Variants in PAPSS2 observed in about 807,000 individuals in gnomAD.
The protein encoded by PAPSS2 is bifunctional 3'-phosphoadenosine 5'-phosphosulfate synthase 2.
In PAPSS2, 61 loss-of-function variants were observed where a neutral mutation model predicts 66.5. The observed-to-expected ratio is 0.92, with a 90% CI of 0.75 to 1.14. The LOEUF is 1.14. Ranked by LOEUF, PAPSS2 falls within the 50% of genes most tolerant of loss-of-function variation. The pLI is 0.00. For synonymous variants in PAPSS2, 289 were observed against 287.5 expected, an observed-to-expected ratio of 1.01 and a Z score of -0.05; for missense variants, 708 against 789.6, an observed-to-expected ratio of 0.90 and a Z score of 1.24.
intron 7 of PAPSS2, among the ~76,000 whole-genome samples, chr10:87,721,193 A>G (rs1019215892): frequency 6.6e-6 from 1 of 152,246 alleles, no homozygotes; most frequent in Non-Finnish European, 1.5e-5. Context: ...GAAAATATGT[A>G]TTAGAAAGGT....
chr10:87,661,237 G>A (rs1852748890), intron 1 of PAPSS2, among the ~76,000 whole-genome samples: 1 of 152,116 alleles, frequency 6.6e-6, no homozygotes, highest in Non-Finnish European at 1.5e-5. Flanking sequence ...AGAGAACAGG[G>A]TGGGGGCTCT....
intron 1 of PAPSS2, among the ~76,000 whole-genome samples, chr10:87,675,184 G>A (rs1225416311): frequency 1.3e-5 from 2 of 152,306 alleles, no homozygotes; most frequent in East Asian, 3.9e-4. Context: ...CATAGCATTA[G>A]CACTGGCTGT....
intron 9 of PAPSS2, among the ~76,000 whole-genome samples, chr10:87,729,225 G>T (rs1046168654): frequency 8.7e-5 from 11 of 126,338 alleles, no homozygotes; most frequent in South Asian, 3.2e-4. Context: ...CACAGATTTT[G>T]CTTTTCTTTT....
At chr10:87,664,828 T>G (rs1445186951) in intron 1 of PAPSS2, among the ~76,000 whole-genome samples, 11 of 152,214 alleles carry the variant, frequency 7.2e-5, no homozygotes, top group Non-Finnish European at 1.5e-5. Flanking sequence ...AATATAACAC[T>G]AGTTCAACTG....
At chr10:87,691,155 TC>T (rs1853166767) in intron 1 of PAPSS2, among the ~76,000 whole-genome samples, 2 of 152,188 alleles carry the variant, frequency 1.3e-5, no homozygotes, top group South Asian at 4.1e-4. Flanking sequence ...TTATGACCTA[TC>T]CACCACTTTG....
chr10:87,686,924 A>G (rs1392045171), intron 1 of PAPSS2, among the ~76,000 whole-genome samples: 2 of 152,340 alleles, frequency 1.3e-5, no homozygotes, highest in East Asian at 3.9e-4. Context: ...CTGAGAAATA[A>G]ACCCTTAGTA....
At chr10:87,698,714 T>C (rs1853265813) in intron 1 of PAPSS2, among the ~76,000 whole-genome samples, 1 of 152,186 alleles carries the variant, frequency 6.6e-6, no homozygotes, top group Admixed American at 6.5e-5. Context: ...ATATTTTCCT[T>C]AGTGTTAAAT....
chr10:87,706,140 G>GTGTGTGTGTGTGTA (rs1304990011), intron 1 of PAPSS2, among the ~76,000 whole-genome samples: 58 of 113,212 alleles, frequency 5.1e-4, no homozygotes, highest in East Asian at 4.1e-3. Flanking sequence ...GTGTGTGTGT[G>GTGTGTGTGTGTGTA]TATATATATA....
At chr10:87,722,740 T>C (rs1041118859) in intron 8 of PAPSS2, among the ~76,000 whole-genome samples, 2 of 152,272 alleles carry the variant, frequency 1.3e-5, no homozygotes, top group African/African-American at 4.8e-5. Context: ...TACATCTTAG[T>C]AATAGTTGGA....
At position 87,701,425 on chromosome 10, in the gene PAPSS2, TC is replaced by T. The variant is rs1564716874; in HGVS notation, c.28-7770del. ...TTCTTTCTCTCTCTCTCTCTCTCTC[TC>T]TCTCTCTTTCTTTCAGACAAGGTCT... On this transcript the variant is annotated intron_variant, in intron 1 of 12. Transcript: ENST00000456849. Among the ~76,000 whole-genome samples the T allele has an allele frequency of 1.3e-4, 17 of 130,308 alleles. 1 individual carries two copies. Among genetic ancestry groups the T allele is most frequent in the Admixed American group, 2.5e-4 (3 of 11,776 alleles). The allele number at this position is 130,308 out of a possible 152,430, so 85.5% of individuals were successfully genotyped here.
chr10:87,745,807 G>A (rs745446196), intron 12 of PAPSS2, 25 bp from the exon 13 acceptor site: 3 of 1,613,536 alleles, frequency 1.9e-6, no homozygotes, highest in South Asian at 2.2e-5. Context: ...CCTACACTGA[G>A]TTCTTTGTTG....
intron 1 of PAPSS2, among the ~76,000 whole-genome samples, chr10:87,698,564 G>A (rs187982127): frequency 4.6e-5 from 7 of 152,290 alleles, no homozygotes; most frequent in Admixed American, 4.6e-4. Flanking sequence ...ATCCTATAGT[G>A]TTGGAGGCTT....
At chr10:87,669,890 A>G (rs1852855917) in intron 1 of PAPSS2, among the ~76,000 whole-genome samples, 1 of 152,260 alleles carries the variant, frequency 6.6e-6, no homozygotes, top group South Asian at 2.1e-4. Flanking sequence ...ACTTCATGCC[A>G]TGTAGCCAAC....
chr10:87,706,218 G>T (rs1476875530), intron 1 of PAPSS2, among the ~76,000 whole-genome samples: 1 of 148,464 alleles, frequency 6.7e-6, no homozygotes, highest in Non-Finnish European at 1.5e-5. Flanking sequence ...CCAGAATGAT[G>T]CCAGGGATTC....
chr10:87,727,457 G>A lies in PAPSS2; in HGVS notation c.1054G>A (p.Gly352Arg). 1 of 1,613,692 alleles carries A rather than the reference G, an allele frequency of 6.2e-7. No homozygotes were observed. Among genetic ancestry groups the A allele is most frequent in the Non-Finnish European group, 8.5e-7 (1 of 1,179,830 alleles). The change falls in exon 9 of 13, where the codon GGG (glycine) becomes AGG (arginine). Residue 352 changes from glycine (G) to arginine (R), a missense_variant. Coordinates refer to ENST00000456849, the MANE Select transcript of PAPSS2 (RefSeq NM_001015880.2). The stretch of plus-strand genomic sequence containing the variant: ...AGAGGAACGCTGTTCCCGTGTTTGG[G>A]GGACAACATGTACAAAACACCCCCA... ...RKEERCSRVW[G>R]TTCTKHPHIK...
chr10:87,680,851 C>T (rs937765556), intron 1 of PAPSS2, among the ~76,000 whole-genome samples: 1 of 152,066 alleles, frequency 6.6e-6, no homozygotes, highest in Non-Finnish European at 1.5e-5. Context: ...TGGAATTCTA[C>T]GTTATACAAT....
chr10:87,725,931 A>T (rs1853654147), intron 8 of PAPSS2, among the ~76,000 whole-genome samples: 1 of 146,218 alleles, frequency 6.8e-6, no homozygotes, highest in African/African-American at 2.6e-5. Context: ...TTTGGTAGAG[A>T]TGAGGTCTTG....
intron 9 of PAPSS2, among the ~76,000 whole-genome samples, chr10:87,729,525 C>A (rs1372560750): frequency 6.6e-6 from 1 of 152,150 alleles, no homozygotes; most frequent in Non-Finnish European, 1.5e-5. Context: ...CACTCACTGG[C>A]CATTCCCGCA....
chr10:87,719,102 A>T (rs1312789316), intron 7 of PAPSS2, among the ~76,000 whole-genome samples: 1 of 152,194 alleles, frequency 6.6e-6, no homozygotes, highest in East Asian at 1.9e-4. Flanking sequence ...AGCCCACAGA[A>T]GCATCCTAAA....
Sources: allele counts gnomAD v4.1 joint callset (sites outside exome capture counted in the v4.1 genomes callset), GRCh38; gene constraint gnomAD v4.1.1; transcripts MANE v1.5; gene names NCBI Gene and HGNC (gene_info 2026-07-23, HGNC 2026-07-21).